Variants in TESC observed in about 807,000 individuals in gnomAD.
The protein encoded by TESC is calcineurin B homologous protein 3.
TESC carries 19 observed loss-of-function variants against 31.0 expected under a neutral mutation model. That is an observed-to-expected ratio of 0.61 (90% CI 0.43 to 0.90). TESC has a LOEUF of 0.90. Ranked by LOEUF, TESC falls within the 40% of genes least tolerant of loss-of-function variation. The pLI is 0.00. For missense variants in TESC, 248 were observed against 303.8 expected, an observed-to-expected ratio of 0.82 and a Z score of 1.36; for synonymous variants, 109 against 114.8, an observed-to-expected ratio of 0.95 and a Z score of 0.32.
At chr12:117,093,533 A>G (rs1305153194) in intron 1 of TESC, among the ~76,000 whole-genome samples, 1 of 152,224 alleles carries the variant, frequency 6.6e-6, no homozygotes, top group African/African-American at 2.4e-5. Context: ...TGCTGGGATT[A>G]CAAGCATGAG....
chr12:117,064,779 T>C (rs1954851122), intron 2 of TESC, among the ~76,000 whole-genome samples: 4 of 152,036 alleles, frequency 2.6e-5, no homozygotes, highest in Admixed American at 2.6e-4. Flanking sequence ...AGCAGAGACC[T>C]GAAGGAGGGG....
At chr12:117,060,866 G>C (rs1378185937) in intron 2 of TESC, among the ~76,000 whole-genome samples, 1 of 152,222 alleles carries the variant, frequency 6.6e-6, no homozygotes, top group Non-Finnish European at 1.5e-5. Context: ...AGGGAATCTG[G>C]GAGAACAGAG....
intron 1 of TESC, among the ~76,000 whole-genome samples, chr12:117,088,280 TG>T (rs1955248407): frequency 6.6e-6 from 1 of 151,660 alleles, no homozygotes; most frequent in Non-Finnish European, 1.5e-5. Context: ...AGTGGGCGAG[TG>T]GGTGTCTTTC....
At chr12:117,076,944 C>G (rs536914221) in intron 1 of TESC, among the ~76,000 whole-genome samples, 1 of 152,248 alleles carries the variant, frequency 6.6e-6, no homozygotes, top group African/African-American at 2.4e-5. Flanking sequence ...GGACTATATA[C>G]AGTTCACACA....
At chr12:117,045,834 C>T (rs986377097) in intron 6 of TESC, among the ~76,000 whole-genome samples, 1 of 152,208 alleles carries the variant, frequency 6.6e-6, no homozygotes, top group Non-Finnish European at 1.5e-5. Flanking sequence ...CACACGACAC[C>T]CAGGTGGTCA....
At chr12:117,075,871 GTGTGTATATATATATA>G (rs1955050430) in intron 1 of TESC, among the ~76,000 whole-genome samples, 6 of 45,124 alleles carry the variant, frequency 1.3e-4, no homozygotes, top group African/African-American at 6.5e-4. Context: ...ATATATATAT[GTGTGTATATATATATA>G]TATATATATA....
chr12:117,073,734 G>C (rs1298248687), intron 2 of TESC, among the ~76,000 whole-genome samples: 1 of 152,176 alleles, frequency 6.6e-6, no homozygotes, highest in South Asian at 2.1e-4. Context: ...TCAACTTGAA[G>C]CTTCCCCATG....
At chr12:117,067,663 A>G (rs150127535) in intron 2 of TESC, among the ~76,000 whole-genome samples, 1 of 152,356 alleles carries the variant, frequency 6.6e-6, no homozygotes, top group Non-Finnish European at 1.5e-5. Flanking sequence ...ATGAAGAGCA[A>G]CATCACTGCA....
intron 6 of TESC, among the ~76,000 whole-genome samples, chr12:117,046,055 C>A (rs144414314): frequency 6.6e-6 from 1 of 152,342 alleles, no homozygotes; most frequent in Non-Finnish European, 1.5e-5. Context: ...ACTTCCCTCT[C>A]TTCTGTGTCA....
Position 117,099,304 on chromosome 12 carries a change from G to A in TESC, c.-22C>T, listed in dbSNP as rs761801080. ...CCATGGTGCCCGCGGCGGGGGCCCC[G>A]GGGCGCGCGTCCCTCTCAGGCCCCG... On this transcript the variant is annotated 5_prime_UTR_variant, in exon 1 of 8. Coordinates refer to ENST00000335209, the MANE Select transcript of TESC (RefSeq NM_017899.4). The A allele has an allele frequency of 3.6e-5, 51 of 1,423,442 alleles. No individual in the cohort carries two copies. In the East Asian group the frequency reaches 5.2e-4, roughly 15 times the overall value. The allele number at this position is 1,423,442 out of a possible 1,614,324, so 88.2% of individuals were successfully genotyped here.
At chr12:117,057,255 T>G (rs1295416615) in intron 2 of TESC, among the ~76,000 whole-genome samples, 1 of 152,056 alleles carries the variant, frequency 6.6e-6, no homozygotes, top group Non-Finnish European at 1.5e-5. Flanking sequence ...CACGCCGCCA[T>G]GCTTAGCTAA....
At chr12:117,080,253 A>G (rs950672497) in intron 1 of TESC, among the ~76,000 whole-genome samples, 1 of 152,180 alleles carries the variant, frequency 6.6e-6, no homozygotes, top group Non-Finnish European at 1.5e-5. Flanking sequence ...GGATCACTTG[A>G]GGCCAGGAGT....
chr12:117,047,541 C>T (rs1471685966), intron 4 of TESC, among the ~76,000 whole-genome samples: 1 of 152,088 alleles, frequency 6.6e-6, no homozygotes, highest in Non-Finnish European at 1.5e-5. Context: ...TCTCCTGCTT[C>T]AGCCTCCTGA....
intron 3 of TESC, among the ~76,000 whole-genome samples, chr12:117,053,203 A>G (rs558070484): frequency 6.6e-6 from 1 of 152,278 alleles, no homozygotes; most frequent in African/African-American, 2.4e-5. Flanking sequence ...CAGTCCTCCC[A>G]CAGCTCTGGC....
At chr12:117,086,431 G>T (rs1955220240) in intron 1 of TESC, among the ~76,000 whole-genome samples, 1 of 151,664 alleles carries the variant, frequency 6.6e-6, no homozygotes, top group Non-Finnish European at 1.5e-5. Context: ...TGGTTACAAT[G>T]TTAACTTTTT....
intron 1 of TESC, among the ~76,000 whole-genome samples, chr12:117,095,369 G>A (rs1024019821): frequency 2.0e-5 from 3 of 152,118 alleles, no homozygotes; most frequent in Non-Finnish European, 2.9e-5. Flanking sequence ...CACCACGCCC[G>A]GCCTAGACCT....
chr12:117,070,144 A>G (rs1411232291), intron 2 of TESC, among the ~76,000 whole-genome samples: 1 of 152,202 alleles, frequency 6.6e-6, no homozygotes, highest in Non-Finnish European at 1.5e-5. Flanking sequence ...AGCTTCCAAG[A>G]TGTGCCAGGA....
chr12:117,046,530 C>G, intron 6 of TESC, 29 bp downstream of exon 6: 2 of 1,535,436 alleles, frequency 1.3e-6, no homozygotes, highest in Non-Finnish European at 1.8e-6. Flanking sequence ...AGGCACTGCG[C>G]GTCTCGGGAG....
At chr12:117,075,897 A>ATATATATATATGTGTGTGTG (rs1955058468) in intron 1 of TESC, among the ~76,000 whole-genome samples, 2 of 66,394 alleles carry the variant, frequency 3.0e-5, no homozygotes, top group Non-Finnish European at 5.8e-5. Flanking sequence ...ATATATATAT[A>ATATATATATATGTGTGTGTG]TATATATATA....
Sources: gnomAD v4.1 joint callset for allele counts (sites outside exome capture counted in the v4.1 genomes callset) on GRCh38, gnomAD v4.1.1 for gene constraint, MANE v1.5 for transcripts, NCBI Gene and HGNC (gene_info 2026-07-23, HGNC 2026-07-21) for gene names.